Variants in GRID2 observed in about 807,000 individuals in gnomAD.
GRID2 encodes the protein glutamate ionotropic receptor delta type subunit 2.
Under a neutral mutation model 114.8 loss-of-function variants are expected in GRID2, and 33 were observed. The ratio of observed to expected loss-of-function variants is 0.29; its 90% CI spans 0.22 to 0.38. The LOEUF is 0.38. Among genes scored for constraint, GRID2 ranks in the 10% least tolerant of loss-of-function variants. The pLI is 1.00. For synonymous variants in GRID2, 505 were observed against 449.9 expected, an observed-to-expected ratio of 1.12 and a Z score of -1.55; for missense variants, 1,184 against 1,257.7, an observed-to-expected ratio of 0.94 and a Z score of 0.89.
chr4:92,605,054 C>A (rs1268388847), intron 2 of GRID2, among the ~76,000 whole-genome samples: 1 of 152,016 alleles, frequency 6.6e-6, no homozygotes, highest in Non-Finnish European at 1.5e-5. Flanking sequence ...GAAGAAGATG[C>A]CTTGCTTCCC....
At chr4:93,559,873 T>C (rs891574087) in intron 13 of GRID2, among the ~76,000 whole-genome samples, 1 of 152,098 alleles carries the variant, frequency 6.6e-6, no homozygotes, top group Non-Finnish European at 1.5e-5. Flanking sequence ...ATGTGGCACA[T>C]ATGCACCATG....
At chr4:92,356,973 T>A (rs1427273135) in intron 1 of GRID2, among the ~76,000 whole-genome samples, 1 of 151,780 alleles carries the variant, frequency 6.6e-6, no homozygotes, top group Non-Finnish European at 1.5e-5. Context: ...ACCAGCAAAT[T>A]ACCAAATTAT....
At chr4:92,913,760 G>A (rs775217780) in intron 2 of GRID2, among the ~76,000 whole-genome samples, 2 of 151,360 alleles carry the variant, frequency 1.3e-5, no homozygotes, top group Non-Finnish European at 3.0e-5. Context: ...CAAAAAAGAA[G>A]TATAAAACGA....
chr4:93,080,698 G>A (rs1417216596), intron 2 of GRID2, among the ~76,000 whole-genome samples: 2 of 152,162 alleles, frequency 1.3e-5, no homozygotes, highest in African/African-American at 4.8e-5. Flanking sequence ...CTGATCTCCA[G>A]GGAAGTTCCT....
chr4:93,389,312 A>T (rs1406020995), intron 8 of GRID2, among the ~76,000 whole-genome samples: 1 of 152,216 alleles, frequency 6.6e-6, no homozygotes, highest in Non-Finnish European at 1.5e-5. Flanking sequence ...AAATATTATT[A>T]GAAAAAATAA....
At chr4:93,198,922 A>T (rs1365925853) in intron 4 of GRID2, among the ~76,000 whole-genome samples, 1 of 152,198 alleles carries the variant, frequency 6.6e-6, no homozygotes, top group East Asian at 1.9e-4. Context: ...AAATCATTTT[A>T]AGCGTTGATC....
In GRID2 at chr4:93,080,256, T is replaced by C. The variant is rs145282729; in HGVS notation, c.245-4739T>C. Among the ~76,000 whole-genome samples, 1,086 of 152,284 alleles carry C rather than the reference T, an allele frequency of 7.1e-3. 8 individuals carry two copies. Among genetic ancestry groups the C allele is most frequent in the Middle Eastern group, 0.017 (5 of 294 alleles). On this transcript the variant is annotated intron_variant, in intron 2 of 15. Coordinates refer to ENST00000282020, the MANE Select transcript of GRID2 (RefSeq NM_001510.4). ...GCAATCATAAATAGTATATTTGTGA[T>C]TTGTTAATAAACAGAAAAAAAGTAA... is the stretch of plus-strand genomic sequence containing the variant.
chr4:93,373,473 T>C (rs1391003610), intron 8 of GRID2, among the ~76,000 whole-genome samples: 1 of 152,200 alleles, frequency 6.6e-6, no homozygotes, highest in Non-Finnish European at 1.5e-5. Flanking sequence ...ACTGATTATC[T>C]TATTCTTATT....
chr4:92,486,890 T>C (rs149892617), intron 1 of GRID2, among the ~76,000 whole-genome samples: 2 of 152,016 alleles, frequency 1.3e-5, no homozygotes, highest in African/African-American at 4.8e-5. Flanking sequence ...CTCAGAGATA[T>C]GGATATACAG....
intron 8 of GRID2, among the ~76,000 whole-genome samples, chr4:93,289,661 A>C (rs958796314): frequency 6.6e-6 from 1 of 152,180 alleles, no homozygotes. Flanking sequence ...TATAAGTTGT[A>C]ATATTGATTT....
At position 93,462,642 on chromosome 4, in the gene GRID2, A is replaced by G. The variant is rs1418810543; in HGVS notation, c.1858+6668A>G. On this transcript the variant is annotated intron_variant, in intron 11 of 15. Transcript: ENST00000282020. ...AGAGTCAGACATTCTTTTCTATTGA[A>G]TTAGGCAACAGAAGAGATTGTTGAT... Among the ~76,000 whole-genome samples, 3 of 152,310 alleles carry G rather than the reference A, an allele frequency of 2.0e-5. No homozygotes were observed. The South Asian group carries it at 6.2e-4, about 32-fold the overall frequency.
chr4:92,479,705 A>C (rs1302924123), intron 1 of GRID2, among the ~76,000 whole-genome samples: 1 of 152,186 alleles, frequency 6.6e-6, no homozygotes. Context: ...GTGAATCAGG[A>C]AATAGATTAA....
intron 14 of GRID2, among the ~76,000 whole-genome samples, chr4:93,631,850 T>G (rs1431389281): frequency 6.6e-6 from 1 of 152,204 alleles, no homozygotes; most frequent in Non-Finnish European, 1.5e-5. Context: ...AAAGTGTTCC[T>G]ATTTCTCCAC....
At chr4:93,332,424 C>T (rs943264455) in intron 8 of GRID2, among the ~76,000 whole-genome samples, 2 of 151,638 alleles carry the variant, frequency 1.3e-5, no homozygotes, top group Non-Finnish European at 2.9e-5. Context: ...TCTGTATCCA[C>T]GCAGCCAATA....
At chr4:93,670,238 C>T (rs754295061) in intron 14 of GRID2, among the ~76,000 whole-genome samples, 5 of 152,146 alleles carry the variant, frequency 3.3e-5, no homozygotes, top group Admixed American at 1.3e-4. Context: ...CTGTTCATGT[C>T]AAAGATCATT....
At chr4:93,559,345 A>C (rs1405336426) in intron 13 of GRID2, among the ~76,000 whole-genome samples, 1 of 152,226 alleles carries the variant, frequency 6.6e-6, no homozygotes, top group Non-Finnish European at 1.5e-5. Context: ...CATCTGACAA[A>C]AGGCTAATAT....
chr4:93,234,707 T>C (rs1746567956), intron 7 of GRID2, among the ~76,000 whole-genome samples: 1 of 151,652 alleles, frequency 6.6e-6, no homozygotes, highest in Admixed American at 6.6e-5. Flanking sequence ...TATTTGTTTG[T>C]TGGGTAGAAA....
chr4:92,772,331 C>A (rs116313310), intron 2 of GRID2, among the ~76,000 whole-genome samples: 2,401 of 152,166 alleles, frequency 0.016, 62 homozygotes, highest in African/African-American at 0.054. Flanking sequence ...ATGTAATGTT[C>A]TTTTTCATTT....
intron 14 of GRID2, among the ~76,000 whole-genome samples, chr4:93,753,331 T>A (rs757757876): frequency 3.3e-5 from 5 of 152,204 alleles, no homozygotes; most frequent in Non-Finnish European, 4.4e-5. Flanking sequence ...GTTATGCATC[T>A]TAGAAAAATT....
Sources: gnomAD v4.1 joint callset for allele counts (sites outside exome capture counted in the v4.1 genomes callset) on GRCh38, gnomAD v4.1.1 for gene constraint, MANE v1.5 for transcripts, NCBI Gene and HGNC (gene_info 2026-07-23, HGNC 2026-07-21) for gene names.